CLASP2: variants seen among roughly 807,000 people sequenced by gnomAD.
CLASP2 encodes cytoplasmic linker associated protein 2.
In CLASP2, 47 loss-of-function variants were observed where a neutral mutation model predicts 194.4. That is an observed-to-expected ratio of 0.24 (90% CI 0.19 to 0.31). The LOEUF is 0.31. Ranked by LOEUF, CLASP2 falls within the 10% of genes least tolerant of loss-of-function variation. The pLI is 1.00. For missense variants in CLASP2, 1,445 were observed against 1,823.6 expected (o/e 0.79, Z 3.78); for synonymous variants, 619 against 633.5 (o/e 0.98, Z 0.34).
chr3:33,581,128 C>T (rs985194166), intron 23 of CLASP2, among the ~76,000 whole-genome samples: 2 of 151,764 alleles, frequency 1.3e-5, no homozygotes, highest in African/African-American at 4.8e-5. Flanking sequence ...TGAAGGATCA[C>T]GCAGAAATTC....
intron 29 of CLASP2, among the ~76,000 whole-genome samples, chr3:33,553,002 A>T (rs1438810968): frequency 6.6e-6 from 1 of 152,230 alleles, no homozygotes; most frequent in Admixed American, 6.5e-5. Context: ...ACACATATTC[A>T]ATGTGAATTT....
intron 13 of CLASP2, among the ~76,000 whole-genome samples, chr3:33,609,212 G>A (rs942813463): frequency 2.6e-5 from 4 of 151,800 alleles, no homozygotes; most frequent in Non-Finnish European, 5.9e-5. Context: ...CCTGGGAAGC[G>A]GAGGTTGCAG....
Position 33,658,883 on chromosome 3 carries a change from G to A in CLASP2, c.715+4562C>T, listed in dbSNP as rs938295317. 5 of 1,185,324 alleles carry A rather than the reference G, an allele frequency of 4.2e-6. No individual in the cohort carries two copies. In the African/African-American group the frequency reaches 7.6e-5, roughly 18 times the overall value. The allele number at this position is 1,185,324 out of a possible 1,614,324, so 73.4% of individuals were successfully genotyped here. A position where few individuals can be genotyped will look rare whatever the true frequency, so the allele number is the denominator to read the frequency against. ...ACACACAAGTGTCCTTCATTCTTTA[G>A]GGAGAAATATATTTCTTACACAGCA... is the stretch of plus-strand genomic sequence containing the variant. On this transcript the variant is annotated intron_variant, in intron 7 of 38. Transcript: ENST00000682230.
At chr3:33,674,987 C>T (rs1367846268) in intron 6 of CLASP2, among the ~76,000 whole-genome samples, 1 of 152,144 alleles carries the variant, frequency 6.6e-6, no homozygotes, top group Admixed American at 6.6e-5. Flanking sequence ...GATGCATTCA[C>T]AGCCGAATTC....
intron 3 of CLASP2, among the ~76,000 whole-genome samples, chr3:33,689,222 C>T (rs1402295917): frequency 6.6e-6 from 1 of 151,086 alleles, no homozygotes; most frequent in Non-Finnish European, 1.5e-5. Flanking sequence ...CTCACCAATA[C>T]TACCTCAGGA....
chr3:33,675,783 T>C (rs1404059296), intron 6 of CLASP2, among the ~76,000 whole-genome samples: 1 of 141,854 alleles, frequency 7.0e-6, no homozygotes, highest in Non-Finnish European at 1.5e-5. Context: ...AGCATTCTTA[T>C]ATACCAATAA....
Position 33,516,159 on chromosome 3 carries a change from G to A in CLASP2, c.3982-8C>T. ...CAAAGCCCTGATTGTAGGCTAAGAA[G>A]AAACATTTAAATGTTTTTAATATTT... On this transcript the variant is annotated splice_polypyrimidine_tract_variant and splice_region_variant and intron_variant, in intron 35 of 38. Transcript: ENST00000682230. 1.3e-6 allele frequency: 2 copies of A among 1,589,896 alleles called. No homozygotes were observed. Among genetic ancestry groups the A allele is most frequent in the South Asian group, 1.2e-5 (1 of 85,760 alleles).
intron 6 of CLASP2, among the ~76,000 whole-genome samples, chr3:33,680,744 G>A (rs900135560): frequency 6.6e-6 from 1 of 152,076 alleles, no homozygotes; most frequent in Non-Finnish European, 1.5e-5. Flanking sequence ...CCAAGAGGTT[G>A]AGGCTGCAGT....
chr3:33,556,512 T>C (rs529590241), intron 29 of CLASP2, among the ~76,000 whole-genome samples: 2 of 151,982 alleles, frequency 1.3e-5, no homozygotes, highest in East Asian at 3.9e-4. Context: ...CTCGGCTCAC[T>C]GCATCCTCTG....
At chr3:33,595,175 C>T (rs1400326568) in intron 19 of CLASP2, among the ~76,000 whole-genome samples, 1 of 151,996 alleles carries the variant, frequency 6.6e-6, no homozygotes, top group African/African-American at 2.4e-5. Context: ...CACACGGAAA[C>T]TAGACAAATA....
intron 6 of CLASP2, 110 bp downstream of exon 6, chr3:33,684,249 A>AAAAT (rs1001939571): frequency 4.1e-5 from 24 of 585,662 alleles, no homozygotes; most frequent in Admixed American, 2.4e-4. Flanking sequence ...CCATCTCAAA[A>AAAAT]AAATAAATAA....
intron 2 of CLASP2, among the ~76,000 whole-genome samples, chr3:33,696,361 T>C (rs2091908514): frequency 6.8e-6 from 1 of 146,798 alleles, no homozygotes; most frequent in Admixed American, 7.0e-5. Context: ...TTCTTTTTTT[T>C]TTTTTTTTTT....
intron 34 of CLASP2, among the ~76,000 whole-genome samples, chr3:33,528,232 A>G (rs981201501): frequency 7.2e-5 from 11 of 152,186 alleles, no homozygotes; most frequent in African/African-American, 2.7e-4. Context: ...ACTTGACAAA[A>G]TTCAACACTG....
At chr3:33,684,516 C>T in intron 5 of CLASP2, 60 bp from the exon 6 acceptor site, 1 of 1,156,598 alleles carries the variant, frequency 8.6e-7, no homozygotes, top group Non-Finnish European at 1.2e-6. Flanking sequence ...AATACTTCAT[C>T]TCAAGGTAAC....
chr3:33,691,349 G>A (rs1017538472), intron 2 of CLASP2, among the ~76,000 whole-genome samples: 1 of 152,096 alleles, frequency 6.6e-6, no homozygotes, highest in African/African-American at 2.4e-5. Flanking sequence ...TATATAATTT[G>A]AAGCCAATCT....
intron 23 of CLASP2, 37 bp from the exon 24 acceptor site, chr3:33,576,312 G>C (rs1391716317): frequency 1.2e-5 from 19 of 1,530,094 alleles, no homozygotes; most frequent in Non-Finnish European, 1.7e-5. Context: ...ATTTGAAGGA[G>C]TCATAAATAT....
intron 26 of CLASP2, among the ~76,000 whole-genome samples, chr3:33,569,599 G>A (rs941467639): frequency 6.6e-6 from 1 of 151,990 alleles, no homozygotes; most frequent in Non-Finnish European, 1.5e-5. Flanking sequence ...ATCTAGAATG[G>A]TATAGTTATC....
In CLASP2 at chr3:33,689,927, C is replaced by T. The variant is rs1284367108; in HGVS notation, c.280G>A (p.Val94Ile). The T allele has an allele frequency of 6.3e-7, 1 of 1,576,376 alleles. No individual in the cohort carries two copies. Among genetic ancestry groups the T allele is most frequent in the Non-Finnish European group, 8.6e-7 (1 of 1,162,082 alleles). Residue 94 changes from valine to isoleucine, a missense_variant, in exon 3 of 39, where the codon GTA becomes ATA. Coordinates refer to ENST00000682230, the MANE Select transcript of CLASP2 (RefSeq NM_001365631.1). ...TCTCCCATTCTGTCTATTAAAGCTA[C>T]AATAACTAAAGAAGGGGAGGGAGTA... Reference protein sequence around the residue: ...RFKSYVAMVIVALIDRMGDAK... With the variant: ...RFKSYVAMVIIALIDRMGDAK...
chr3:33,573,466 T>C lies in CLASP2; in HGVS notation c.2455-112A>G, dbSNP rs773800723. Reference sequence around the variant, plus strand: ...TTTGTTTTAAAATCAGTGCAAAGCATGCTCCTAATCATTGTAATAACAGAA... The same window carrying C: ...TTTGTTTTAAAATCAGTGCAAAGCACGCTCCTAATCATTGTAATAACAGAA... On this transcript the variant is annotated intron_variant, in intron 24 of 38. Transcript: ENST00000682230. 2.5e-5 allele frequency: 26 copies of C among 1,055,842 alleles called. No individual in the cohort carries two copies. The South Asian group carries it at 2.5e-4, about 10-fold the overall frequency. 65.4% of individuals were successfully genotyped at this position (1,055,842 alleles called of 1,614,324 possible).
Sources: gnomAD v4.1 joint callset for allele counts (sites outside exome capture counted in the v4.1 genomes callset) on GRCh38, gnomAD v4.1.1 for gene constraint, MANE v1.5 for transcripts, NCBI Gene and HGNC (gene_info 2026-07-23, HGNC 2026-07-21) for gene names.